Variants in IQCH observed in about 807,000 individuals in gnomAD.
The protein encoded by IQCH is IQ domain-containing protein H.
A neutral mutation model predicts 117.0 loss-of-function variants in IQCH; 98 were observed. The observed-to-expected ratio is 0.84, with a 90% confidence interval of 0.71 to 0.99. The LOEUF is 0.99. Ranked by LOEUF, IQCH falls within the 50% of genes least tolerant of loss-of-function variation. IQCH has a pLI of 0.00. For missense variants in IQCH, 1,102 were observed against 1,243.8 expected, an observed-to-expected ratio of 0.89 and a Z score of 1.72; for synonymous variants, 412 against 448.2, an observed-to-expected ratio of 0.92 and a Z score of 1.02.
At position 67,466,589 on chromosome 15, in the gene IQCH, A is replaced by C. The variant is rs1291496961; in HGVS notation, c.2676+1292A>C. On this transcript the variant is annotated intron_variant, in intron 17 of 20. Transcript: ENST00000335894. The surrounding 1 kb of genome is among the most constrained non-coding windows in gnomAD (Gnocchi z 4.4). ...TCTTCCCAGGATCTCTGCAGTCACC[A>C]TAAGGAGGGCACCTGATGTCTTGGG... The C allele has an allele frequency of 6.6e-6, 1 of 152,200 alleles. No individual in the cohort carries two copies. The highest frequency in any genetic ancestry group is 1.5e-5 in the Non-Finnish European group (1 of 68,092). 9.4% of individuals were successfully genotyped at this position (152,200 alleles called of 1,614,324 possible). A position where few individuals can be genotyped will look rare whatever the true frequency, so the allele number is the denominator to read the frequency against.
At chr15:67,402,472 G>A (rs542431287) in intron 14 of IQCH, among the ~76,000 whole-genome samples, 1 of 152,288 alleles carries the variant, frequency 6.6e-6, no homozygotes, top group African/African-American at 2.4e-5. Context: ...ATTCTCCTTT[G>A]TTCCAGAAGA....
rs929360047 is a variant in IQCH, at chr15:67,491,698, C to T, written c.2861+1634C>T. ...TTCATCTTCTCCACCTAGGCCTTCA[C>T]ATCCAGAATGATAACAGAGCCAGGG... On this transcript the variant is annotated intron_variant, in intron 19 of 20. Transcript: ENST00000335894. This position sits in a 1 kb window ranked among gnomAD's most constrained non-coding sequence, Gnocchi z 4.9. 6.6e-6 allele frequency among the ~76,000 whole-genome samples: 1 copy of T among 152,152 alleles called. No individual in the cohort carries two copies.
rs144777346 is a variant in IQCH at position 67,402,242 on chromosome 15, TAAC to T, written c.2097+1940_2097+1942del. ...TCTAACTAAATCATTTTTTAAAACTTAACAAGGAAAATATAATTATTCAGAAAT... is the reference window on the plus strand; with the variant it reads ...TCTAACTAAATCATTTTTTAAAACTTAAGGAAAATATAATTATTCAGAAAT... On this transcript the variant is annotated intron_variant, in intron 14 of 20. Transcript: ENST00000335894. Among the ~76,000 whole-genome samples, 811 of 152,330 alleles carry T rather than the reference TAAC, an allele frequency of 5.3e-3. 5 individuals carry two copies. Among genetic ancestry groups the T allele is most frequent in the African/African-American group, 0.017 (693 of 41,578 alleles).
chr15:67,335,370 C>T (rs970680137), intron 4 of IQCH, among the ~76,000 whole-genome samples: 10 of 152,148 alleles, frequency 6.6e-5, no homozygotes, highest in African/African-American at 2.2e-4. Flanking sequence ...CTGAAACTGC[C>T]AAACCTATAT....
intron 3 of IQCH, among the ~76,000 whole-genome samples, chr15:67,269,557 A>G (rs1348283262): frequency 1.3e-5 from 2 of 152,244 alleles, no homozygotes; most frequent in East Asian, 3.9e-4. Flanking sequence ...TAGTCACCCT[A>G]TTGATCTGTA....
chr15:67,372,706 A>G (rs1009363221), intron 9 of IQCH, 44 bp downstream of exon 9: 5 of 1,504,328 alleles, frequency 3.3e-6, no homozygotes, highest in Admixed American at 2.1e-5. Context: ...CTTTTTCTAA[A>G]CATTTCGTGC....
intron 4 of IQCH, among the ~76,000 whole-genome samples, chr15:67,308,650 T>C (rs1596149956): frequency 6.6e-6 from 1 of 152,150 alleles, no homozygotes; most frequent in Middle Eastern, 3.4e-3. Flanking sequence ...TCACAGCCTA[T>C]AAAATATATT....
intron 10 of IQCH, among the ~76,000 whole-genome samples, chr15:67,377,747 TCTC>T (rs1220404937): frequency 2.0e-5 from 3 of 152,186 alleles, no homozygotes; most frequent in African/African-American, 4.8e-5. Flanking sequence ...CACTCTCACT[TCTC>T]CTCCTCCTTT....
intron 6 of IQCH, among the ~76,000 whole-genome samples, chr15:67,345,182 G>A (rs951145389): frequency 6.6e-6 from 1 of 152,122 alleles, no homozygotes; most frequent in South Asian, 2.1e-4. Context: ...GTAGAGATGA[G>A]GTTTCACCGT....
At chr15:67,271,927 T>C (rs1965913694) in intron 3 of IQCH, among the ~76,000 whole-genome samples, 1 of 152,146 alleles carries the variant, frequency 6.6e-6, no homozygotes, top group East Asian at 1.9e-4. Flanking sequence ...ATTTCTGCTC[T>C]AGTCTTTATT....
intron 8 of IQCH, among the ~76,000 whole-genome samples, chr15:67,363,738 G>C (rs779704480): frequency 2.6e-5 from 4 of 151,958 alleles, no homozygotes; most frequent in Non-Finnish European, 5.9e-5. Context: ...AGGCCCCTGT[G>C]TCATTCCCTT....
intron 4 of IQCH, among the ~76,000 whole-genome samples, chr15:67,288,566 G>A (rs8032525): frequency 0.46 from 69,521 of 151,746 alleles, 16,420 homozygotes; most frequent in Non-Finnish European, 0.52. Context: ...AGCTACTCCT[G>A]CTCTTTTTTG....
chr15:67,418,458 T>C (rs1390014896), intron 15 of IQCH, among the ~76,000 whole-genome samples: 1 of 143,214 alleles, frequency 7.0e-6, no homozygotes, highest in African/African-American at 2.6e-5. Flanking sequence ...TACCCACTGA[T>C]AGACAAGTAA....
At chr15:67,270,571 G>A (rs759366985) in intron 3 of IQCH, among the ~76,000 whole-genome samples, 6 of 152,140 alleles carry the variant, frequency 3.9e-5, no homozygotes, top group Non-Finnish European at 7.4e-5. Context: ...TCATGGGAGT[G>A]AGTGAATTCT....
intron 4 of IQCH, among the ~76,000 whole-genome samples, chr15:67,292,230 A>T (rs188550222): frequency 1.3e-5 from 2 of 152,186 alleles, no homozygotes; most frequent in East Asian, 3.9e-4. Context: ...TAAGAAATAA[A>T]TGTTGTTGTT....
chr15:67,371,993 G>A, intron 8 of IQCH, 118 bp from the exon 9 acceptor site: 1 of 879,240 alleles, frequency 1.1e-6, no homozygotes, highest in East Asian at 2.6e-5. Flanking sequence ...ATCAGTGCTA[G>A]GATTCATATC....
rs2082133685 is a variant in IQCH, at chr15:67,436,243, G to A, written c.2505+14666G>A. On this transcript the variant is annotated intron_variant, in intron 16 of 20. Coordinates refer to ENST00000335894, the MANE Select transcript of IQCH (RefSeq NM_001031715.3). This position sits in a 1 kb window ranked among gnomAD's most constrained non-coding sequence, Gnocchi z 5.1. ...AGGAGACACCCCAAATACTGTGAGTGCCCCAACTGCGGAAGTAGGAAAGGG... is the reference window on the plus strand; with the variant it reads ...AGGAGACACCCCAAATACTGTGAGTACCCCAACTGCGGAAGTAGGAAAGGG... Among the ~76,000 whole-genome samples the A allele has an allele frequency of 6.6e-6, 1 of 152,136 alleles. No individual in the cohort carries two copies. Among genetic ancestry groups the A allele is most frequent in the South Asian group, 2.1e-4 (1 of 4,828 alleles).
intron 4 of IQCH, among the ~76,000 whole-genome samples, chr15:67,314,484 G>GAA (rs11343033): frequency 0.29 from 38,995 of 135,826 alleles, 5,511 homozygotes; most frequent in South Asian, 0.37. Context: ...TGTGCTAAAT[G>GAA]AAAAAAAAAA....
chr15:67,309,872 G>A (rs1156408937), intron 4 of IQCH, among the ~76,000 whole-genome samples: 1 of 149,916 alleles, frequency 6.7e-6, no homozygotes, highest in South Asian at 2.1e-4. Context: ...TTTCAGATCC[G>A]GTGTTCCCTC....
Sources: gnomAD v4.1 joint callset for allele counts (sites outside exome capture counted in the v4.1 genomes callset) on GRCh38, gnomAD v4.1.1 for gene constraint, Gnocchi (gnomAD v3.1) non-coding constraint, MANE v1.5 for transcripts, NCBI Gene and HGNC (gene_info 2026-07-23, HGNC 2026-07-21) for gene names.